Variants in OR51B5 observed in about 807,000 individuals in gnomAD.
OR51B5 encodes olfactory receptor family 51 subfamily B member 5.
For missense variants in OR51B5, 456 were observed against 374.6 expected, an observed-to-expected ratio of 1.22 and a Z score of -1.79; for synonymous variants, 186 against 144.8, an observed-to-expected ratio of 1.28 and a Z score of -2.04.
chr11:5,454,009 T>G (rs992437080), intron 1 of OR51B5: 2 of 1,614,020 alleles, frequency 1.2e-6, no homozygotes, highest in East Asian at 4.5e-5. Flanking sequence ...TCCAATGTTC[T>G]TTCTCACTCC....
intron 1 of OR51B5, among the ~76,000 whole-genome samples, chr11:5,464,945 G>A (rs10838155): frequency 0.31 from 47,870 of 151,972 alleles, 8,046 homozygotes; most frequent in Non-Finnish European, 0.36. Context: ...GGTGGCTCAC[G>A]CCTGTAATCC....
intron 1 of OR51B5, chr11:5,390,117 T>C: frequency 6.2e-7 from 1 of 1,613,874 alleles, no homozygotes; most frequent in Admixed American, 1.7e-5. Flanking sequence ...GTAGCAGGCC[T>C]GGCCTCCCAA....
intron 1 of OR51B5, among the ~76,000 whole-genome samples, chr11:5,367,931 C>T (rs1849395879): frequency 6.6e-6 from 1 of 152,110 alleles, no homozygotes; most frequent in Non-Finnish European, 1.5e-5. Flanking sequence ...TATGCATTTT[C>T]CTATCCTTAC....
chr11:5,485,333 A>T (rs1851483620), intron 1 of OR51B5, among the ~76,000 whole-genome samples: 1 of 152,208 alleles, frequency 6.6e-6, no homozygotes, highest in Non-Finnish European at 1.5e-5. Flanking sequence ...CAACGTTCAG[A>T]AGTTATAATA....
intron 1 of OR51B5, among the ~76,000 whole-genome samples, chr11:5,470,308 C>T (rs542489320): frequency 6.6e-6 from 1 of 152,270 alleles, no homozygotes; most frequent in East Asian, 1.9e-4. Context: ...CACTTCTTCC[C>T]CCCGAGGATC....
chr11:5,343,421 G>A, exon 1 of OR51B5: 1 of 1,612,960 alleles, frequency 6.2e-7, no homozygotes, highest in Non-Finnish European at 8.5e-7. Flanking sequence ...AAAAAGGATG[G>A]ATATATACAT....
intron 1 of OR51B5, among the ~76,000 whole-genome samples, chr11:5,385,785 A>G (rs919440960): frequency 2.1e-5 from 3 of 144,592 alleles, no homozygotes; most frequent in Non-Finnish European, 4.5e-5. Flanking sequence ...ATATATGTAT[A>G]CCCTATACTT....
intron 1 of OR51B5, among the ~76,000 whole-genome samples, chr11:5,373,104 T>C (rs765898664): frequency 2.0e-4 from 31 of 152,110 alleles, no homozygotes; most frequent in South Asian, 4.1e-4. Flanking sequence ...TTGGGAAAAC[T>C]GGATATCCAA....
chr11:5,347,230 C>G (rs1399810368), upstream of OR51B5, among the ~76,000 whole-genome samples: 2 of 152,118 alleles, frequency 1.3e-5, 1 homozygote, highest in Admixed American at 1.3e-4. Context: ...TCAAATCTTT[C>G]CCAGTTTATC....
At chr11:5,409,794 C>T (rs1376900049) in intron 1 of OR51B5, among the ~76,000 whole-genome samples, 1 of 152,044 alleles carries the variant, frequency 6.6e-6, no homozygotes, top group African/African-American at 2.4e-5. Context: ...ACGCATCAAT[C>T]CATATATCCA....
chr11:5,428,042 T>A (rs1850475123), intron 1 of OR51B5, among the ~76,000 whole-genome samples: 1 of 152,146 alleles, frequency 6.6e-6, no homozygotes, highest in Non-Finnish European at 1.5e-5. Context: ...ATGTCAGGTA[T>A]CAAAACATTA....
intron 1 of OR51B5, among the ~76,000 whole-genome samples, chr11:5,474,953 T>G (rs1006688337): frequency 6.6e-6 from 1 of 152,190 alleles, no homozygotes; most frequent in Non-Finnish European, 1.5e-5. Flanking sequence ...TTAGTTTAAT[T>G]GAGACCAGAA....
At chr11:5,422,678 C>T (rs759916581) in intron 1 of OR51B5, 1 of 1,613,998 alleles carries the variant, frequency 6.2e-7, no homozygotes, top group Non-Finnish European at 8.5e-7. Context: ...GGCGGTTCTT[C>T]CCTCCCTTTT....
intron 1 of OR51B5, among the ~76,000 whole-genome samples, chr11:5,465,383 T>C (rs1851124443): frequency 1.3e-5 from 2 of 152,108 alleles, no homozygotes; most frequent in South Asian, 4.2e-4. Flanking sequence ...CATGTGTTTT[T>C]TGGCTGCATA....
Position 5,454,267 on chromosome 11 carries a change from C to G in OR51B5, n.84+51302G>C, listed in dbSNP as rs775402521. The G allele has an allele frequency of 3.7e-6, 6 of 1,614,216 alleles. No individual in the cohort carries two copies. In the Admixed American group the frequency reaches 5.0e-5, roughly 13 times the overall value. On this transcript the variant is annotated intron_variant and non_coding_transcript_variant, in intron 1 of 4. Coordinates refer to the OR51B5 transcript ENST00000415970. ...TATGTGCCAATGATTGGGGTCTCCACAGTGCACCGCTTTGGGAAGCATGTC... is the reference window on the plus strand; with the variant it reads ...TATGTGCCAATGATTGGGGTCTCCAGAGTGCACCGCTTTGGGAAGCATGTC...
At chr11:5,430,618 G>A (rs555868568) in intron 1 of OR51B5, 8 of 419,900 alleles carry the variant, frequency 1.9e-5, no homozygotes, top group African/African-American at 1.6e-4. Context: ...CGGAATTTAT[G>A]AATTTAATGA....
chr11:5,385,787 C>T (rs6578627), intron 1 of OR51B5, among the ~76,000 whole-genome samples: 143,240 of 148,884 alleles, frequency 0.96, 69,292 homozygotes, highest in African/African-American at 0.99. Context: ...ATATGTATAC[C>T]CTATACTTAT....
chr11:5,478,492 C>T (rs1323499119), intron 1 of OR51B5, among the ~76,000 whole-genome samples: 2 of 151,812 alleles, frequency 1.3e-5, no homozygotes, highest in African/African-American at 4.8e-5. Context: ...TCACCAGCAA[C>T]GGAACAAAGC....
chr11:5,398,438 G>C (rs1311077211), intron 1 of OR51B5, among the ~76,000 whole-genome samples: 1 of 151,982 alleles, frequency 6.6e-6, no homozygotes, highest in Non-Finnish European at 1.5e-5. Flanking sequence ...TCAAAAAATG[G>C]GCAGCATTCC....
Sources: allele counts gnomAD v4.1 joint callset (sites outside exome capture counted in the v4.1 genomes callset), GRCh38; gene constraint gnomAD v4.1.1; transcripts MANE v1.5; gene names NCBI Gene and HGNC (gene_info 2026-07-23, HGNC 2026-07-21).